The following CTNNA1 variants were observed in gnomAD, a reference collection of about 807,000 sequenced individuals.
The protein encoded by CTNNA1 is catenin alpha-1.
CTNNA1 carries 37 observed loss-of-function variants against 98.4 expected under a neutral mutation model. That is an observed-to-expected ratio of 0.38 (90% confidence interval 0.29 to 0.49). The LOEUF is 0.49. CTNNA1 is among the 20% of genes least tolerant of loss of function. The pLI is 0.95. For missense variants in CTNNA1, 761 were observed against 1,147.2 expected (o/e 0.66, Z 4.86); for synonymous variants, 404 against 413.2 (o/e 0.98, Z 0.27).
chr5:138,775,021 C>G (rs1195481788), intron 1 of CTNNA1, among the ~76,000 whole-genome samples: 1 of 152,068 alleles, frequency 6.6e-6, no homozygotes, highest in African/African-American at 2.4e-5. Context: ...AAATGAAAGT[C>G]TTTTTTTGAG....
At chr5:138,850,260 T>C (rs1763073344) in intron 7 of CTNNA1, among the ~76,000 whole-genome samples, 1 of 152,232 alleles carries the variant, frequency 6.6e-6, no homozygotes, top group African/African-American at 2.4e-5. Context: ...TCTTCTTTCT[T>C]AGATATTTAA....
chr5:138,783,310 C>G lies in CTNNA1; in HGVS notation c.239C>G (p.Ala80Gly), dbSNP rs200135015. The change falls in exon 3 of 18, where the codon GCG becomes GGG. Residue 80 changes from alanine (A) to glycine (G), a missense_variant. Ala to Gly is a moderately conservative substitution (Grantham distance 60, BLOSUM62 0). Around this residue, in one of 6 missense-constraint regions of CTNNA1, gnomAD observed 328 missense variants for 354.3 expected, o/e 0.93. Coordinates refer to ENST00000302763, the MANE Select transcript of CTNNA1 (RefSeq NM_001903.5). ...TTCTTGGAGAAGGGGGATAAAATTG[C>G]GAAGGAGAGCCAGTTTCTCAAGGAG... ...ENFLEKGDKI[A>G]KESQFLKEEL... 1.9e-6 allele frequency: 3 copies of G among 1,613,828 alleles called. No homozygotes were observed. Among genetic ancestry groups the G allele is most frequent in the Non-Finnish European group, 2.5e-6 (3 of 1,179,934 alleles).
chr5:138,818,865 A>G (rs1234536178), intron 5 of CTNNA1, among the ~76,000 whole-genome samples: 1 of 152,120 alleles, frequency 6.6e-6, no homozygotes, highest in East Asian at 1.9e-4. Flanking sequence ...CTGGGGTCCC[A>G]GGCTCAGGGT....
At chr5:138,890,934 C>T (rs1398371593) in intron 9 of CTNNA1, among the ~76,000 whole-genome samples, 1 of 152,322 alleles carries the variant, frequency 6.6e-6, no homozygotes, top group African/African-American at 2.4e-5. Context: ...ACCTCCCCAT[C>T]TTAAAGGTAT....
At chr5:138,810,636 G>C (rs1011358173) in intron 4 of CTNNA1, among the ~76,000 whole-genome samples, 2 of 152,128 alleles carry the variant, frequency 1.3e-5, no homozygotes, top group Admixed American at 1.3e-4. Context: ...AGGATCCCAA[G>C]GCCGAAGAAT....
chr5:138,808,023 T>A (rs1461122133), intron 3 of CTNNA1, among the ~76,000 whole-genome samples: 1 of 152,148 alleles, frequency 6.6e-6, no homozygotes, highest in Non-Finnish European at 1.5e-5. Flanking sequence ...AGTGCTGGGA[T>A]TACAGGTGTG....
chr5:138,896,224 A>T (rs1756774030), intron 9 of CTNNA1, among the ~76,000 whole-genome samples: 1 of 152,018 alleles, frequency 6.6e-6, no homozygotes, highest in Admixed American at 6.5e-5. Flanking sequence ...CAGGCTGCCT[A>T]TTGGATCTTT....
Position 138,874,630 on chromosome 5 carries a change from A to T in CTNNA1, c.1063-11582A>T. ...AGAACATATGGGCTATTTAAAAAAAACAACCACCACCAACATTATAGCAAA... is the reference window on the plus strand; with the variant it reads ...AGAACATATGGGCTATTTAAAAAAATCAACCACCACCAACATTATAGCAAA... On this transcript the variant is annotated intron_variant, in intron 7 of 17. Transcript: ENST00000302763. The surrounding 1 kb of genome is among the most constrained non-coding windows in gnomAD (Gnocchi z 4.1). The T allele has an allele frequency of 1.1e-6, 1 of 931,026 alleles. No homozygotes were observed. Among genetic ancestry groups the T allele is most frequent in the Non-Finnish European group, 1.6e-6 (1 of 634,118 alleles). 57.7% of individuals were successfully genotyped at this position (931,026 alleles called of 1,614,324 possible). A position where few individuals can be genotyped will look rare whatever the true frequency, so the allele number is the denominator to read the frequency against.
chr5:138,811,063 G>T (rs1466485648), intron 4 of CTNNA1, among the ~76,000 whole-genome samples: 2 of 151,740 alleles, frequency 1.3e-5, no homozygotes, highest in Non-Finnish European at 2.9e-5. Context: ...GGGCGGAGAC[G>T]CTCCTCACTT....
chr5:138,926,317 G>A (rs988129258), intron 13 of CTNNA1, among the ~76,000 whole-genome samples: 1 of 152,172 alleles, frequency 6.6e-6, no homozygotes, highest in Non-Finnish European at 1.5e-5. Flanking sequence ...TCACTCCTCT[G>A]CCCTGCTGTT....
At chr5:138,800,835 G>A (rs939855470) in intron 3 of CTNNA1, among the ~76,000 whole-genome samples, 4 of 151,986 alleles carry the variant, frequency 2.6e-5, no homozygotes, top group Non-Finnish European at 5.9e-5. Flanking sequence ...GGGTGGGCAC[G>A]GTGGCTCATG....
intron 7 of CTNNA1, among the ~76,000 whole-genome samples, chr5:138,852,194 C>T (rs1200079991): frequency 6.6e-6 from 1 of 152,206 alleles, no homozygotes; most frequent in African/African-American, 2.4e-5. Context: ...CCTTTAAGTA[C>T]TTGAGTAATA....
At chr5:138,845,905 G>T in intron 7 of CTNNA1, among the ~76,000 whole-genome samples, 1 of 151,444 alleles carries the variant, frequency 6.6e-6, no homozygotes, top group Admixed American at 6.6e-5. Flanking sequence ...GATAGCTAAA[G>T]GGTACAGGTT....
At chr5:138,876,819 T>G (rs569711306) in intron 7 of CTNNA1, among the ~76,000 whole-genome samples, 1 of 152,286 alleles carries the variant, frequency 6.6e-6, no homozygotes, top group East Asian at 1.9e-4. Context: ...TAGGGCTCTG[T>G]GTAAAGGTGC....
At chr5:138,836,116 G>A (rs1761748719) in intron 7 of CTNNA1, among the ~76,000 whole-genome samples, 1 of 152,206 alleles carries the variant, frequency 6.6e-6, no homozygotes, top group Non-Finnish European at 1.5e-5. Flanking sequence ...TTCCCAAAGT[G>A]TTGGGATTAC....
At chr5:138,776,112 C>T (rs371475563) in intron 1 of CTNNA1, among the ~76,000 whole-genome samples, 2 of 141,376 alleles carry the variant, frequency 1.4e-5, no homozygotes, top group African/African-American at 5.3e-5. Context: ...GGCAGGGTCA[C>T]AGGACAACAG....
At chr5:138,908,931 G>A (rs1343039769) in intron 10 of CTNNA1, among the ~76,000 whole-genome samples, 1 of 152,108 alleles carries the variant, frequency 6.6e-6, no homozygotes, top group African/African-American at 2.4e-5. Flanking sequence ...TTTGGGAAGA[G>A]ACCAGAATCT....
chr5:138,757,927 C>G (rs973971066), intron 1 of CTNNA1, among the ~76,000 whole-genome samples: 1 of 152,144 alleles, frequency 6.6e-6, no homozygotes, highest in African/African-American at 2.4e-5. Flanking sequence ...CATTCTTCTT[C>G]CTTGCCACCC....
intron 3 of CTNNA1, among the ~76,000 whole-genome samples, chr5:138,797,136 G>A (rs1199929244): frequency 6.6e-6 from 1 of 152,098 alleles, no homozygotes; most frequent in Non-Finnish European, 1.5e-5. Flanking sequence ...TAGCAGCCAT[G>A]GGATTTTTAT....
Sources: allele counts gnomAD v4.1 joint callset (sites outside exome capture counted in the v4.1 genomes callset), GRCh38; gene constraint gnomAD v4.1.1; regional missense constraint gnomAD v4.1.1; non-coding constraint Gnocchi (gnomAD v3.1); transcripts MANE v1.5; gene names NCBI Gene and HGNC (gene_info 2026-07-23, HGNC 2026-07-21).